The following MAPRE3 variants were observed in gnomAD, a reference collection of about 807,000 sequenced individuals.
MAPRE3 encodes the protein microtubule associated protein RP/EB family member 3, also known as microtubule-associated protein RP/EB family member 3.
Under a neutral mutation model 30.5 loss-of-function variants are expected in MAPRE3, and 2 were observed. The ratio of observed to expected loss-of-function variants is 0.07; its 90% CI spans 0.03 to 0.21. The LOEUF is 0.21. Ranked by LOEUF, MAPRE3 falls within the 10% of genes least tolerant of loss-of-function variation. MAPRE3 has a pLI of 1.00. For synonymous variants in MAPRE3, 110 were observed against 127.7 expected (o/e 0.86, Z 0.93); for missense variants, 204 against 351.8 (o/e 0.58, Z 3.36).
chr2:26,985,910 C>A lies in MAPRE3; in HGVS notation c.-8+15108C>A, dbSNP rs560816003. 6.6e-6 allele frequency among the ~76,000 whole-genome samples: 1 copy of A among 152,090 alleles called. No homozygotes were observed. Among genetic ancestry groups the A allele is most frequent in the Non-Finnish European group, 1.5e-5 (1 of 68,002 alleles). ...CTGGAAGAGAGGCAGGGAGCAGATTCCCCCAAGAGCCTTCAGAGGGAGGGC... is the reference window on the plus strand; with the variant it reads ...CTGGAAGAGAGGCAGGGAGCAGATTACCCCAAGAGCCTTCAGAGGGAGGGC... On this transcript the variant is annotated intron_variant, in intron 1 of 6. Transcript: ENST00000233121. This position sits in a 1 kb window ranked among gnomAD's most constrained non-coding sequence, Gnocchi z 4.2.
intron 1 of MAPRE3, among the ~76,000 whole-genome samples, chr2:26,995,780 G>GGTGTGTGTGTGTGTGTGTGT (rs1276648645): frequency 0.01 from 1,132 of 109,676 alleles, 85 homozygotes; most frequent in East Asian, 0.037. Flanking sequence ...TTCTAAGAGA[G>GGTGTGTGTGTGTGTGTGTGT]GTGTGTGTGT....
rs1318315694 is a variant in MAPRE3, at chr2:26,985,115, G to A, written c.-8+14313G>A. 1.3e-5 allele frequency: 2 copies of A among 152,208 alleles called. No individual in the cohort carries two copies. The highest frequency in any genetic ancestry group is 2.9e-5 in the Non-Finnish European group (2 of 68,048). 9.4% of individuals were successfully genotyped at this position (152,208 alleles called of 1,614,324 possible). ...GGAAGGAGTAGAAGGGACATCCCTA[G>A]GTCCTGAATTCTTCCTTTTTCTTTA... is the stretch of plus-strand genomic sequence containing the variant. On this transcript the variant is annotated intron_variant, in intron 1 of 6. Coordinates refer to ENST00000233121, the MANE Select transcript of MAPRE3 (RefSeq NM_012326.4). The surrounding 1 kb of genome is among the most constrained non-coding windows in gnomAD (Gnocchi z 4.2).
At chr2:27,023,963 G>A (rs1027074551) in intron 3 of MAPRE3, 133 bp from the exon 4 acceptor site, 6 of 661,902 alleles carry the variant, frequency 9.1e-6, no homozygotes, top group Non-Finnish European at 1.6e-5. Context: ...GCCGTGGGAG[G>A]GGGGCAAGTG....
chr2:26,987,389 C>A (rs933159544), intron 1 of MAPRE3, among the ~76,000 whole-genome samples: 5 of 152,132 alleles, frequency 3.3e-5, no homozygotes, highest in Non-Finnish European at 7.4e-5. Context: ...TTAATCCCAG[C>A]ACTTTGGGAG....
At chr2:27,021,013 C>G (rs139727682) in intron 1 of MAPRE3, among the ~76,000 whole-genome samples, 2 of 152,254 alleles carry the variant, frequency 1.3e-5, no homozygotes, top group African/African-American at 4.8e-5. Context: ...GCATTGCTTA[C>G]AGACTTTTTT....
At chr2:26,971,991 G>C (rs1448208577) in intron 1 of MAPRE3, among the ~76,000 whole-genome samples, 10 of 152,210 alleles carry the variant, frequency 6.6e-5, no homozygotes, top group Admixed American at 6.5e-4. Context: ...TCTTGGAATA[G>C]AAGAGGGTCC....
At position 27,026,917 on chromosome 2, in the gene MAPRE3, T is replaced by TA. The variant is rs1343052789; in HGVS notation, c.*570dup. 1 of 151,234 alleles carries TA rather than the reference T, an allele frequency of 6.6e-6. No homozygotes were observed. The highest frequency in any genetic ancestry group is 6.6e-5 in the Admixed American group (1 of 15,168). The allele number at this position is 151,234 out of a possible 1,614,324, so 9.4% of individuals were successfully genotyped here. A position where few individuals can be genotyped will look rare whatever the true frequency, so the allele number is the denominator to read the frequency against. Reference sequence around the variant, plus strand: ...AGAGGGGGCTGAGGAGGTAGTGCTGTAGGCCCAGGGGGTCAGGGAAAGGGA... The same window carrying TA: ...AGAGGGGGCTGAGGAGGTAGTGCTGTAAGGCCCAGGGGGTCAGGGAAAGGGA... On this transcript the variant is annotated 3_prime_UTR_variant, in exon 7 of 7. Transcript: ENST00000233121.
At chr2:26,989,352 C>T (rs907251683) in intron 1 of MAPRE3, among the ~76,000 whole-genome samples, 1 of 152,132 alleles carries the variant, frequency 6.6e-6, no homozygotes, top group Admixed American at 6.5e-5. Flanking sequence ...GGATGCTTTC[C>T]ATACACTGCC....
chr2:26,993,928 C>G (rs1349210187), intron 1 of MAPRE3, among the ~76,000 whole-genome samples: 1 of 152,138 alleles, frequency 6.6e-6, no homozygotes. Flanking sequence ...AGATGGCGCT[C>G]TCCCCCCAGA....
intron 5 of MAPRE3, 35 bp from the exon 6 acceptor site, chr2:27,025,845 A>G: frequency 6.2e-7 from 1 of 1,613,806 alleles, no homozygotes; most frequent in Non-Finnish European, 8.5e-7. Flanking sequence ...TGAGGTGGGG[A>G]CCTCTGGCTT....
intron 1 of MAPRE3, among the ~76,000 whole-genome samples, chr2:26,974,393 T>C (rs1229738741): frequency 2.6e-5 from 4 of 152,126 alleles, no homozygotes; most frequent in Non-Finnish European, 4.4e-5. Flanking sequence ...AAGGTCTTTC[T>C]TTTTTTAATT....
Position 27,026,290 on chromosome 2 carries a change from C to T in MAPRE3, c.788C>T (p.Ala263Val), listed in dbSNP as rs765906655. ...GILYATEEGF[A>V]PPEDDEIEEH... ...TCTCCCACCCTCCAGGAAGGATTCG[C>T]ACCCCCTGAGGACGATGAGATTGAA... is the stretch of plus-strand genomic sequence containing the variant. The change falls in exon 7 of 7, where the codon GCA becomes GTA. Residue 263 changes from alanine to valine, a missense_variant. By Grantham distance (64) the Ala-to-Val change is moderately conservative. Transcript: ENST00000233121. 6.2e-6 allele frequency: 10 copies of T among 1,613,848 alleles called. No homozygotes were observed. The Admixed American group carries it at 1.5e-4, about 24-fold the overall frequency.
intron 4 of MAPRE3, among the ~76,000 whole-genome samples, chr2:27,024,498 AGAG>A (rs953155758): frequency 1.3e-5 from 2 of 152,236 alleles, no homozygotes; most frequent in Admixed American, 1.3e-4. Flanking sequence ...AATTGGTCTA[AGAG>A]GAGAGCCACC....
intron 1 of MAPRE3, among the ~76,000 whole-genome samples, chr2:27,010,630 G>T: frequency 6.6e-6 from 1 of 151,832 alleles, no homozygotes; most frequent in East Asian, 1.9e-4. Context: ...TTTAGTAGGG[G>T]TGGGGTTTTG....
chr2:27,019,202 CAT>C (rs1230908158), intron 1 of MAPRE3, among the ~76,000 whole-genome samples: 5 of 152,002 alleles, frequency 3.3e-5, no homozygotes, highest in African/African-American at 7.3e-5. Context: ...CTCTCACACA[CAT>C]GATTTCAACA....
chr2:26,981,245 G>C (rs1354169606), intron 1 of MAPRE3, among the ~76,000 whole-genome samples: 2 of 152,188 alleles, frequency 1.3e-5, no homozygotes, highest in Non-Finnish European at 2.9e-5. Context: ...GCAGCAGTGA[G>C]TGGGGACGGG....
chr2:26,991,958 C>G (rs575344181), intron 1 of MAPRE3, among the ~76,000 whole-genome samples: 1 of 151,946 alleles, frequency 6.6e-6, no homozygotes, highest in Non-Finnish European at 1.5e-5. Flanking sequence ...AATTGATTCC[C>G]TGCCTTTCAC....
intron 1 of MAPRE3, among the ~76,000 whole-genome samples, chr2:26,983,207 G>A (rs956211449): frequency 7.9e-5 from 12 of 152,216 alleles, no homozygotes; most frequent in East Asian, 5.8e-4. Flanking sequence ...AAAATCAAAT[G>A]TGTAGTGGAG....
chr2:26,970,911 C>T, intron 1 of MAPRE3, 109 bp downstream of exon 1: 1 of 150,848 alleles, frequency 6.6e-6, no homozygotes, highest in Non-Finnish European at 1.5e-5. Flanking sequence ...TCCCCACCCG[C>T]ACTCCCGCAT....
Sources: allele counts gnomAD v4.1 joint callset (sites outside exome capture counted in the v4.1 genomes callset), GRCh38; gene constraint gnomAD v4.1.1; non-coding constraint Gnocchi (gnomAD v3.1); transcripts MANE v1.5; gene names NCBI Gene and HGNC (gene_info 2026-07-23, HGNC 2026-07-21).